Variants in UXS1 observed in about 807,000 individuals in gnomAD.
UXS1 encodes UDP-glucuronate decarboxylase 1.
UXS1 carries 33 observed loss-of-function variants against 62.6 expected under a neutral mutation model. That is an observed-to-expected ratio of 0.53 (90% confidence interval 0.40 to 0.70). UXS1 has a LOEUF of 0.70. Among genes scored for constraint, UXS1 ranks in the 30% least tolerant of loss-of-function variants. The probability of loss-of-function intolerance (pLI) is 0.00; values close to 1 mark genes in which losing one functional copy is unlikely to be tolerated. For missense variants in UXS1, 434 were observed against 556.3 expected, an observed-to-expected ratio of 0.78 and a Z score of 2.21; for synonymous variants, 213 against 206.8, an observed-to-expected ratio of 1.03 and a Z score of -0.26.
intron 4 of UXS1, chr2:106,160,030 AG>A (rs1682767698): frequency 6.6e-6 from 1 of 152,340 alleles, no homozygotes; most frequent in African/African-American, 2.4e-5. Flanking sequence ...TGCCGCCCAT[AG>A]GAAGTGCCTC....
chr2:106,094,842 A>G (rs1676945948), intron 14 of UXS1, among the ~76,000 whole-genome samples: 1 of 152,240 alleles, frequency 6.6e-6, no homozygotes, highest in South Asian at 2.1e-4. Context: ...ACTGGGGGAG[A>G]AGGTCTGTCA....
intron 10 of UXS1, among the ~76,000 whole-genome samples, chr2:106,110,653 G>T (rs1678509601): frequency 6.6e-6 from 1 of 152,134 alleles, no homozygotes; most frequent in African/African-American, 2.4e-5. Context: ...TTACCATAAA[G>T]GAAAGCGGCC....
Position 106,123,059 on chromosome 2 carries a change from A to C in UXS1, c.670T>G (p.Trp224Gly). Residue 224 changes from tryptophan (W) to glycine (G), a missense_variant, in exon 9 of 15, where the codon TGG becomes GGG. Trp to Gly is a radical substitution (Grantham distance 184). This residue lies in a region of UXS1 where 134 missense variants were observed against 251.9 expected (regional missense o/e 0.53). Transcript: ENST00000283148. ...PEVHPQSEDY[W>G]GHVNPIGPRA... ...GGTCCTATTGGATTCACGTGGCCCC[A>C]GTAATCCTCACTTTGAGGGTGGACT... 1 of 1,614,010 alleles carries C rather than the reference A, an allele frequency of 6.2e-7. No homozygotes were observed. Among genetic ancestry groups the C allele is most frequent in the Non-Finnish European group, 8.5e-7 (1 of 1,179,880 alleles).
Position 106,129,576 on chromosome 2 carries a change from C to T in UXS1, c.577+98G>A, listed in dbSNP as rs1298015258. 5 of 1,044,308 alleles carry T rather than the reference C, an allele frequency of 4.8e-6. No homozygotes were observed. The African/African-American group carries it at 6.3e-5, about 13-fold the overall frequency. 64.7% of individuals were successfully genotyped at this position (1,044,308 alleles called of 1,614,324 possible). ...GGGCAATAAGGGACGAGGGAACACACTCAGATCAAACTCTAGTAGAAGATT... is the reference window on the plus strand; with the variant it reads ...GGGCAATAAGGGACGAGGGAACACATTCAGATCAAACTCTAGTAGAAGATT... On this transcript the variant is annotated intron_variant, in intron 7 of 14. Coordinates refer to ENST00000283148, the MANE Select transcript of UXS1 (RefSeq NM_001253875.2).
Position 106,096,776 on chromosome 2 carries a change from G to T in UXS1, c.1088C>A (p.Pro363Gln). The T allele has an allele frequency of 6.3e-7, 1 of 1,593,302 alleles. No homozygotes were observed. Among genetic ancestry groups the T allele is most frequent in the East Asian group, 2.3e-5 (1 of 44,386 alleles). Residue 363 changes from proline to glutamine, a missense_variant, in exon 14 of 15, where the codon CCA (proline) becomes CAA (glutamine). Physicochemically the swap from Pro to Gln is moderately conservative, Grantham distance 76. Transcript: ENST00000283148. ...TTTGATGTCTGGTTTTCTTTTCTGT[G>T]GGTCATCCTGGGCTTCGGAGAGAAA... ...IQFLSEAQDD[P>Q]QKRKPDIKKA...
intron 5 of UXS1, among the ~76,000 whole-genome samples, chr2:106,154,208 A>G (rs1263421583): frequency 6.6e-6 from 1 of 152,234 alleles, no homozygotes; most frequent in African/African-American, 2.4e-5. Flanking sequence ...TATATTCAAG[A>G]AGTTCAATGA....
Position 106,104,817 on chromosome 2 carries a change from C to G in UXS1, c.900G>C (p.Gln300His). The G allele has an allele frequency of 6.2e-7, 1 of 1,614,006 alleles. No individual in the cohort carries two copies. The highest frequency in any genetic ancestry group is 8.5e-7 in the Non-Finnish European group (1 of 1,179,896). The part of the protein sequence containing the change: ...EPLTVYGSGS[Q>H]TRAFQYVSDL... ...ACCTGACGTACTGGAACGCCCTTGT[C>G]TGAGACCCGGATCCGTATACCTGGA... The change falls in exon 11 of 15, where the codon CAG (glutamine) becomes CAC (histidine). Residue 300 changes from glutamine (Q) to histidine (H), a missense_variant. By Grantham distance (24) the Gln-to-His change is conservative. This residue lies in a region of UXS1 where 209 missense variants were observed against 233.3 expected (regional missense o/e 0.90). Transcript: ENST00000283148.
Position 106,122,760 on chromosome 2 carries a change from T to C in UXS1, c.759+210A>G, listed in dbSNP as rs919389399. ...TAAAATAGTATTCCAAACCCAAGAA[T>C]TGATCTCTAGGAAATCATTTTTAAA... On this transcript the variant is annotated intron_variant, in intron 9 of 14. Coordinates refer to ENST00000283148, the MANE Select transcript of UXS1 (RefSeq NM_001253875.2). 3.9e-5 allele frequency among the ~76,000 whole-genome samples: 6 copies of C among 152,198 alleles called. No homozygotes were observed. In the South Asian group the frequency reaches 8.3e-4, roughly 21 times the overall value.
At chr2:106,185,676 G>A (rs1684509200) in intron 1 of UXS1, among the ~76,000 whole-genome samples, 1 of 152,040 alleles carries the variant, frequency 6.6e-6, no homozygotes, top group Non-Finnish European at 1.5e-5. Flanking sequence ...ATCTTACTTG[G>A]AAAAAAGGTC....
chr2:106,111,971 G>C (rs935996730), intron 10 of UXS1, among the ~76,000 whole-genome samples: 2 of 152,214 alleles, frequency 1.3e-5, no homozygotes, highest in African/African-American at 4.8e-5. Context: ...CAAAACCAAA[G>C]ATGCCGGCAG....
At chr2:106,186,457 T>TACACACACACAC (rs55995858) in intron 1 of UXS1, among the ~76,000 whole-genome samples, 23 of 148,690 alleles carry the variant, frequency 1.5e-4, no homozygotes, top group African/African-American at 3.2e-4. Flanking sequence ...TATATATATA[T>TACACACACACAC]ACACACACAC....
chr2:106,182,330 G>C (rs189936256), intron 1 of UXS1, among the ~76,000 whole-genome samples: 118 of 152,322 alleles, frequency 7.7e-4, no homozygotes, highest in Admixed American at 7.3e-3. Context: ...GCAGTGGCTT[G>C]AACAAGTTTG....
chr2:106,145,448 AC>A, intron 5 of UXS1, 78 bp from the exon 6 acceptor site: 1 of 1,476,596 alleles, frequency 6.8e-7, no homozygotes, highest in Non-Finnish European at 9.0e-7. Context: ...CCACGGAGAG[AC>A]ATCTCTGGTG....
At position 106,166,049 on chromosome 2, in the gene UXS1, C is replaced by A; in HGVS notation, c.122+7G>T. The A allele has an allele frequency of 6.2e-7, 1 of 1,610,166 alleles. No individual in the cohort carries two copies. Among genetic ancestry groups the A allele is most frequent in the Non-Finnish European group, 8.5e-7 (1 of 1,178,388 alleles). On this transcript the variant is annotated splice_region_variant and intron_variant, in intron 2 of 14. Coordinates refer to ENST00000283148, the MANE Select transcript of UXS1 (RefSeq NM_001253875.2). The stretch of plus-strand genomic sequence containing the variant: ...ACCACAGTACCCAAGTAATTAAAAA[C>A]AATTACCTCATATTAACGAAGTTGC...
intron 1 of UXS1, among the ~76,000 whole-genome samples, chr2:106,174,640 G>A (rs569359639): frequency 6.6e-6 from 1 of 152,264 alleles, no homozygotes; most frequent in South Asian, 2.1e-4. Flanking sequence ...CACGTAGTGA[G>A]AGGCCACAGC....
intron 2 of UXS1, among the ~76,000 whole-genome samples, chr2:106,165,057 A>G (rs866244263): frequency 6.6e-6 from 1 of 152,246 alleles, no homozygotes; most frequent in African/African-American, 2.4e-5. Flanking sequence ...TCTCACTGCT[A>G]TGCTACATCC....
At chr2:106,190,290 C>T (rs988604520) in intron 1 of UXS1, among the ~76,000 whole-genome samples, 14 of 152,108 alleles carry the variant, frequency 9.2e-5, no homozygotes, top group African/African-American at 3.4e-4. Flanking sequence ...GATTATACCA[C>T]ATCTATATAG....
chr2:106,120,034 G>A (rs1424129326), intron 9 of UXS1, among the ~76,000 whole-genome samples: 3 of 152,090 alleles, frequency 2.0e-5, no homozygotes, highest in African/African-American at 2.4e-5. Flanking sequence ...GCTCCTTTGC[G>A]CAGAGAGGAA....
intron 12 of UXS1, among the ~76,000 whole-genome samples, chr2:106,099,532 C>A (rs905845443): frequency 6.6e-6 from 1 of 152,082 alleles, no homozygotes; most frequent in Non-Finnish European, 1.5e-5. Flanking sequence ...GGATGACTAG[C>A]GAAGTGGAGT....
Sources: allele counts gnomAD v4.1 joint callset (sites outside exome capture counted in the v4.1 genomes callset), GRCh38; gene constraint gnomAD v4.1.1; regional missense constraint gnomAD v4.1.1; transcripts MANE v1.5; gene names NCBI Gene and HGNC (gene_info 2026-07-23, HGNC 2026-07-21).